LRFN5: variants seen among roughly 807,000 people sequenced by gnomAD.
LRFN5 encodes leucine-rich repeat and fibronectin type-III domain-containing protein 5.
LRFN5 carries 24 observed loss-of-function variants against 45.6 expected under a neutral mutation model. The ratio of observed to expected loss-of-function variants is 0.53; its 90% CI spans 0.38 to 0.74. LRFN5 has a LOEUF of 0.74. Among genes scored for constraint, LRFN5 ranks in the 30% least tolerant of loss-of-function variants. LRFN5 has a pLI of 0.00. For synonymous variants in LRFN5, 340 were observed against 313.8 expected (o/e 1.08, Z -0.88); for missense variants, 776 against 861.5 (o/e 0.90, Z 1.24).
chr14:41,679,732 G>A (rs1464770953), intron 1 of LRFN5, among the ~76,000 whole-genome samples: 3 of 152,072 alleles, frequency 2.0e-5, no homozygotes, highest in Non-Finnish European at 4.4e-5. Flanking sequence ...AAAAAGGAAA[G>A]GACGAGTAAA....
chr14:41,781,615 A>AGAAG (rs1566437332), intron 2 of LRFN5, among the ~76,000 whole-genome samples: 2 of 92,770 alleles, frequency 2.2e-5, no homozygotes, highest in Non-Finnish European at 4.3e-5. Context: ...AAAGAAAGAA[A>AGAAG]GAGAAAGAAA....
At chr14:41,754,299 T>C (rs1170094749) in intron 1 of LRFN5, among the ~76,000 whole-genome samples, 2 of 152,094 alleles carry the variant, frequency 1.3e-5, no homozygotes, top group Admixed American at 6.6e-5. Context: ...AGGGAGGATT[T>C]CCTCTTTTTC....
intron 1 of LRFN5, among the ~76,000 whole-genome samples, chr14:41,766,581 A>G (rs987279527): frequency 6.6e-6 from 1 of 152,216 alleles, no homozygotes; most frequent in African/African-American, 2.4e-5. Context: ...ATGAAATCGA[A>G]CTATACAGCT....
chr14:41,660,661 C>T (rs377686349), intron 1 of LRFN5, among the ~76,000 whole-genome samples: 2 of 151,906 alleles, frequency 1.3e-5, no homozygotes, highest in African/African-American at 4.8e-5. Context: ...AGATGAATAA[C>T]TATCCTGGAG....
intron 1 of LRFN5, among the ~76,000 whole-genome samples, chr14:41,722,579 T>C (rs929534099): frequency 1.3e-5 from 2 of 148,284 alleles, no homozygotes; most frequent in East Asian, 3.9e-4. Flanking sequence ...TTTTTTTTTC[T>C]TTCTCTTTCC....
intron 1 of LRFN5, among the ~76,000 whole-genome samples, chr14:41,621,132 A>G (rs1215885493): frequency 6.6e-6 from 1 of 152,128 alleles, no homozygotes; most frequent in Non-Finnish European, 1.5e-5. Flanking sequence ...GGATACACGA[A>G]AAAGAAAAGA....
rs536194995 is a variant in LRFN5 at position 41,781,512 on chromosome 14, A to AAGGG, written c.-21+14497_-21+14500dup. On this transcript the variant is annotated intron_variant, in intron 2 of 5. Transcript: ENST00000298119. Reference sequence around the variant, plus strand: ...TTAAGAAGGAAGGAAGGGAGGGAGGAAGGGAGGGAGGGAGGGAAGAAGGAA... The same window carrying AAGGG: ...TTAAGAAGGAAGGAAGGGAGGGAGGAAGGGAGGGAGGGAGGGAGGGAAGAAGGAA... Among the ~76,000 whole-genome samples the AAGGG allele has an allele frequency of 4.7e-3, 649 of 137,444 alleles. 6 individuals carry two copies. Among genetic ancestry groups the AAGGG allele is most frequent in the African/African-American group, 0.015 (553 of 37,864 alleles). 90.2% of individuals were successfully genotyped at this position (137,444 alleles called of 152,430 possible).
At chr14:41,680,938 T>C in intron 1 of LRFN5, among the ~76,000 whole-genome samples, 1 of 151,808 alleles carries the variant, frequency 6.6e-6, no homozygotes, top group Admixed American at 6.6e-5. Flanking sequence ...TTTAAAAGAA[T>C]CAAGCAGAAA....
chr14:41,655,284 T>C (rs1880324753), intron 1 of LRFN5, among the ~76,000 whole-genome samples: 1 of 151,940 alleles, frequency 6.6e-6, no homozygotes, highest in Non-Finnish European at 1.5e-5. Flanking sequence ...GTTGGAAGGG[T>C]TATTATTTTA....
At chr14:41,807,510 A>G (rs528916662) in intron 2 of LRFN5, among the ~76,000 whole-genome samples, 3 of 152,292 alleles carry the variant, frequency 2.0e-5, no homozygotes, top group South Asian at 4.1e-4. Flanking sequence ...AAGCTATTTC[A>G]TACACATCTA....
intron 1 of LRFN5, among the ~76,000 whole-genome samples, chr14:41,613,084 A>G (rs926689342): frequency 2.0e-5 from 3 of 152,150 alleles, no homozygotes; most frequent in Non-Finnish European, 4.4e-5. Flanking sequence ...TCTGCTGTCT[A>G]TCATTTTACT....
intron 1 of LRFN5, among the ~76,000 whole-genome samples, chr14:41,682,286 C>T (rs929858222): frequency 7.2e-5 from 11 of 151,810 alleles, no homozygotes; most frequent in African/African-American, 2.7e-4. Flanking sequence ...ACAACAACGA[C>T]TTGTCAAGAC....
At chr14:41,706,182 C>A (rs1017044737) in intron 1 of LRFN5, among the ~76,000 whole-genome samples, 5 of 151,968 alleles carry the variant, frequency 3.3e-5, no homozygotes, top group African/African-American at 1.2e-4. Context: ...CTCACCGCAA[C>A]CTGCACCTCC....
chr14:41,847,081 AT>A (rs977013046), intron 2 of LRFN5, among the ~76,000 whole-genome samples: 1 of 152,122 alleles, frequency 6.6e-6, no homozygotes, highest in African/African-American at 2.4e-5. Flanking sequence ...AAGATAAAAC[AT>A]TTTCATGAAA....
chr14:41,776,080 C>G (rs1003698601), intron 2 of LRFN5, among the ~76,000 whole-genome samples: 9 of 152,132 alleles, frequency 5.9e-5, no homozygotes, highest in African/African-American at 1.9e-4. Flanking sequence ...ACATTGGAAT[C>G]GCTTCTTGGA....
At chr14:41,759,902 C>T (rs184134726) in intron 1 of LRFN5, among the ~76,000 whole-genome samples, 1 of 152,292 alleles carries the variant, frequency 6.6e-6, no homozygotes, top group African/African-American at 2.4e-5. Flanking sequence ...TAAGTCCGCC[C>T]TAAGGCAGAT....
At chr14:41,885,862 A>T (rs938400644) in intron 2 of LRFN5, among the ~76,000 whole-genome samples, 1 of 151,856 alleles carries the variant, frequency 6.6e-6, no homozygotes, top group Non-Finnish European at 1.5e-5. Context: ...CTAAAAATAC[A>T]AAAATTAGCT....
At chr14:41,882,411 G>T (rs1566502154) in intron 2 of LRFN5, among the ~76,000 whole-genome samples, 1 of 152,084 alleles carries the variant, frequency 6.6e-6, no homozygotes, top group Non-Finnish European at 1.5e-5. Flanking sequence ...TGTCAGTCCT[G>T]ATAACTGAAA....
intron 2 of LRFN5, among the ~76,000 whole-genome samples, chr14:41,778,967 T>A (rs958624283): frequency 1.8e-4 from 27 of 151,946 alleles, no homozygotes; most frequent in African/African-American, 6.3e-4. Context: ...CAGTTTTATG[T>A]CTTCTTGATC....
Sources: gnomAD v4.1 joint callset for allele counts (sites outside exome capture counted in the v4.1 genomes callset) on GRCh38, gnomAD v4.1.1 for gene constraint, MANE v1.5 for transcripts, NCBI Gene and HGNC (gene_info 2026-07-23, HGNC 2026-07-21) for gene names.